OPCML: variants seen among roughly 807,000 people sequenced by gnomAD.
OPCML encodes the protein opioid binding protein/cell adhesion molecule like.
A neutral mutation model predicts 37.8 loss-of-function variants in OPCML; 13 were observed. That is an observed-to-expected ratio of 0.34 (90% confidence interval 0.22 to 0.55). The LOEUF (loss-of-function observed/expected upper bound fraction) is 0.55. Ranked by LOEUF, OPCML falls within the 20% of genes least tolerant of loss-of-function variation. The pLI, the probability that OPCML is intolerant of heterozygous loss-of-function variation, is 0.91. For missense variants in OPCML, 341 were observed against 435.6 expected (o/e 0.78, Z 1.93); for synonymous variants, 176 against 168.8 (o/e 1.04, Z -0.33).
intron 1 of OPCML, among the ~76,000 whole-genome samples, chr11:133,350,482 A>G (rs1020501723): frequency 6.6e-6 from 1 of 152,184 alleles, no homozygotes; most frequent in Non-Finnish European, 1.5e-5. Flanking sequence ...ATTAGCATCT[A>G]TCTTCCTCCC....
At chr11:133,185,661 T>A (rs1795582704) in intron 1 of OPCML, among the ~76,000 whole-genome samples, 1 of 152,170 alleles carries the variant, frequency 6.6e-6, no homozygotes, top group Non-Finnish European at 1.5e-5. Context: ...AAATGGCATA[T>A]TTTGGTTCTA....
intron 1 of OPCML, among the ~76,000 whole-genome samples, chr11:133,331,310 A>G (rs2136648644): frequency 1.3e-5 from 2 of 152,260 alleles, no homozygotes; most frequent in South Asian, 4.1e-4. Flanking sequence ...TTAGATCCTT[A>G]CCAGTATGGG....
chr11:132,767,737 G>A lies in OPCML; in HGVS notation c.147-110418C>T, dbSNP rs550502671. ...AAACCCTCACAAACTGGTACAATCT[G>A]AGTGTAAAAAGAGAATTGTCATTTC... is the stretch of plus-strand genomic sequence containing the variant. On this transcript the variant is annotated intron_variant, in intron 2 of 7. Coordinates refer to ENST00000524381, the MANE Select transcript of OPCML (RefSeq NM_001012393.5). 3.9e-5 allele frequency among the ~76,000 whole-genome samples: 6 copies of A among 152,124 alleles called. No individual in the cohort carries two copies. In the South Asian group the frequency reaches 6.2e-4, roughly 16 times the overall value.
chr11:133,245,243 G>A (rs778191558), intron 1 of OPCML, among the ~76,000 whole-genome samples: 1 of 152,172 alleles, frequency 6.6e-6, no homozygotes, highest in Non-Finnish European at 1.5e-5. Context: ...TTCAAAGATA[G>A]GGATGCACAA....
At chr11:132,937,192 A>T (rs1945405154) in intron 2 of OPCML, among the ~76,000 whole-genome samples, 2 of 152,022 alleles carry the variant, frequency 1.3e-5, no homozygotes, top group Admixed American at 6.5e-5. Flanking sequence ...GATCCATAAA[A>T]ACTGCCTGGC....
intron 2 of OPCML, among the ~76,000 whole-genome samples, chr11:132,855,755 G>C (rs1344594404): frequency 6.6e-6 from 1 of 152,170 alleles, no homozygotes; most frequent in Admixed American, 6.5e-5. Flanking sequence ...CAGGATTCCT[G>C]AGCCTCAGAA....
At chr11:132,448,405 T>G (rs1325275348) in intron 4 of OPCML, among the ~76,000 whole-genome samples, 1 of 152,166 alleles carries the variant, frequency 6.6e-6, no homozygotes, top group African/African-American at 2.4e-5. Flanking sequence ...AGAGACATCC[T>G]GCACACTTCG....
intron 2 of OPCML, among the ~76,000 whole-genome samples, chr11:132,716,114 G>A (rs1275268962): frequency 6.6e-6 from 1 of 152,234 alleles, no homozygotes; most frequent in East Asian, 1.9e-4. Context: ...TGCTCCAGAT[G>A]AGAAGAGCTG....
At chr11:133,010,740 A>G (rs2136873378) in intron 1 of OPCML, among the ~76,000 whole-genome samples, 1 of 152,352 alleles carries the variant, frequency 6.6e-6, no homozygotes, top group Admixed American at 6.5e-5. Context: ...GAAGATTAAA[A>G]GCAGGATGCA....
intron 4 of OPCML, among the ~76,000 whole-genome samples, chr11:132,490,759 C>T (rs987163582): frequency 2.5e-4 from 38 of 149,658 alleles, no homozygotes; most frequent in African/African-American, 9.1e-4. Flanking sequence ...TGCAGTGAGC[C>T]GAGATCGTGC....
intron 2 of OPCML, among the ~76,000 whole-genome samples, chr11:132,827,035 G>T (rs1940389421): frequency 6.6e-6 from 1 of 152,138 alleles, no homozygotes. Context: ...CTTAATTTGA[G>T]ATCAGAATTT....
At chr11:133,082,736 C>T (rs941592542) in intron 1 of OPCML, among the ~76,000 whole-genome samples, 10 of 145,504 alleles carry the variant, frequency 6.9e-5, no homozygotes, top group African/African-American at 2.5e-4. Flanking sequence ...GCTTCTCCCC[C>T]GCGGCCCGTC....
chr11:132,705,148 T>G (rs1943980941), intron 2 of OPCML, among the ~76,000 whole-genome samples: 1 of 152,332 alleles, frequency 6.6e-6, no homozygotes, highest in Admixed American at 6.5e-5. Flanking sequence ...CCCAAATATC[T>G]ATTGAAATGT....
chr11:133,462,148 G>A (rs1021233422), intron 1 of OPCML, among the ~76,000 whole-genome samples: 2 of 151,800 alleles, frequency 1.3e-5, no homozygotes, highest in Non-Finnish European at 2.9e-5. Context: ...AGTAATGGCT[G>A]CAAAAAATAA....
At chr11:132,564,986 C>G (rs1351577156) in intron 3 of OPCML, among the ~76,000 whole-genome samples, 1 of 152,148 alleles carries the variant, frequency 6.6e-6, no homozygotes, top group Non-Finnish European at 1.5e-5. Context: ...AATGGCAAAT[C>G]TCACCTTGTT....
intron 2 of OPCML, among the ~76,000 whole-genome samples, chr11:132,920,398 C>G (rs1326927422): frequency 6.6e-6 from 1 of 152,184 alleles, no homozygotes; most frequent in African/African-American, 2.4e-5. Context: ...AGAACGTTGG[C>G]TCTAAACACT....
intron 2 of OPCML, among the ~76,000 whole-genome samples, chr11:132,658,264 C>T (rs1472264674): frequency 6.6e-6 from 1 of 152,246 alleles, no homozygotes; most frequent in Admixed American, 6.5e-5. Context: ...CCACTCTTGC[C>T]AATGTCCTGG....
intron 1 of OPCML, among the ~76,000 whole-genome samples, chr11:133,451,503 C>A (rs938135656): frequency 6.6e-6 from 1 of 151,374 alleles, no homozygotes; most frequent in Admixed American, 6.6e-5. Flanking sequence ...GAAAGAGGTG[C>A]CAGAAAAAAG....
At chr11:133,410,716 A>AAAGC (rs1945634307) in intron 1 of OPCML, among the ~76,000 whole-genome samples, 1 of 150,070 alleles carries the variant, frequency 6.7e-6, no homozygotes, top group African/African-American at 2.4e-5. Context: ...GCTGGGAGAC[A>AAAGC]AAGCAAGCAG....
Sources: allele counts gnomAD v4.1 joint callset (sites outside exome capture counted in the v4.1 genomes callset), GRCh38; gene constraint gnomAD v4.1.1; transcripts MANE v1.5; gene names NCBI Gene and HGNC (gene_info 2026-07-23, HGNC 2026-07-21).